The following SOX6 variants were observed in gnomAD, a reference collection of about 807,000 sequenced individuals.
SOX6 encodes the protein SRY-box transcription factor 6.
A neutral mutation model predicts 97.8 loss-of-function variants in SOX6; 11 were observed. That is an observed-to-expected ratio of 0.11 (90% CI 0.07 to 0.19). SOX6 has a LOEUF of 0.19. Among genes scored for constraint, SOX6 ranks in the 10% least tolerant of loss-of-function variants. The pLI is 1.00. For missense variants in SOX6, 810 were observed against 1,039.5 expected (o/e 0.78, Z 3.04); for synonymous variants, 360 against 371.4 (o/e 0.97, Z 0.35).
chr11:16,121,189 G>A (rs532272428), intron 6 of SOX6, among the ~76,000 whole-genome samples: 5 of 152,030 alleles, frequency 3.3e-5, no homozygotes, highest in Admixed American at 2.6e-4. Context: ...TTATTCATTT[G>A]TACATGTTCT....
intron 4 of SOX6, among the ~76,000 whole-genome samples, chr11:16,502,792 A>T (rs139936247): frequency 6.6e-6 from 1 of 152,166 alleles, no homozygotes; most frequent in Non-Finnish European, 1.5e-5. Flanking sequence ...AGGATAGAAA[A>T]CCTATTTAAC....
intron 3 of SOX6, among the ~76,000 whole-genome samples, chr11:16,670,849 G>A (rs1438477001): frequency 6.6e-6 from 1 of 151,122 alleles, no homozygotes; most frequent in East Asian, 2.0e-4. Flanking sequence ...GCCCAGGAGT[G>A]CAAAGCCATG....
rs536386368 is a variant in SOX6 at position 16,318,170 on chromosome 11, T to C, written c.445+276A>G. Reference sequence around the variant, plus strand: ...CAGTTAGGAAAATTCTCTTGTTACCTTTTTCCAGAGTAGGATTATGGTCAG... The same window carrying C: ...CAGTTAGGAAAATTCTCTTGTTACCCTTTTCCAGAGTAGGATTATGGTCAG... On this transcript the variant is annotated intron_variant, in intron 3 of 15. Transcript: ENST00000683767. The C allele has an allele frequency of 1.1e-5, 5 of 448,638 alleles. No homozygotes were observed. The East Asian group carries it at 2.3e-4, about 21-fold the overall frequency. 27.8% of individuals were successfully genotyped at this position (448,638 alleles called of 1,614,324 possible). A position where few individuals can be genotyped will look rare whatever the true frequency, so the allele number is the denominator to read the frequency against.
chr11:16,295,513 A>G (rs1855050577), intron 3 of SOX6, among the ~76,000 whole-genome samples: 1 of 152,072 alleles, frequency 6.6e-6, no homozygotes, highest in African/African-American at 2.4e-5. Flanking sequence ...CTGTAGATAT[A>G]GTAATGGAGG....
At chr11:16,242,376 T>G (rs1243632339) in intron 3 of SOX6, among the ~76,000 whole-genome samples, 2 of 151,982 alleles carry the variant, frequency 1.3e-5, no homozygotes, top group Non-Finnish European at 2.9e-5. Context: ...TGTAGGTTTG[T>G]GTAAGTACCC....
At chr11:16,452,339 T>C (rs955552991) in intron 1 of SOX6, among the ~76,000 whole-genome samples, 1 of 152,008 alleles carries the variant, frequency 6.6e-6, no homozygotes, top group African/African-American at 2.4e-5. Context: ...AATTAGAAAA[T>C]AAACATATTT....
chr11:16,595,010 A>G (rs1848196344), intron 4 of SOX6, among the ~76,000 whole-genome samples: 1 of 152,084 alleles, frequency 6.6e-6, no homozygotes, highest in South Asian at 2.1e-4. Context: ...GCTTCTTATT[A>G]AGGAACTTAA....
At chr11:16,213,770 T>C (rs184642356) in intron 4 of SOX6, among the ~76,000 whole-genome samples, 1 of 152,262 alleles carries the variant, frequency 6.6e-6, no homozygotes, top group African/African-American at 2.4e-5. Context: ...AATATACAAA[T>C]AAGTAAAAAA....
intron 4 of SOX6, among the ~76,000 whole-genome samples, chr11:16,202,475 G>A (rs769412292): frequency 2.6e-5 from 4 of 151,660 alleles, no homozygotes; most frequent in African/African-American, 7.3e-5. Context: ...TAAATTCCAC[G>A]AAAAAAAGTA....
At chr11:16,540,442 T>A (rs1861387514) in intron 4 of SOX6, among the ~76,000 whole-genome samples, 1 of 152,048 alleles carries the variant, frequency 6.6e-6, no homozygotes, top group African/African-American at 2.4e-5. Flanking sequence ...ACCACTCCTA[T>A]TCAACATAGT....
chr11:16,590,510 G>A (rs780250475), intron 4 of SOX6, among the ~76,000 whole-genome samples: 56 of 152,110 alleles, frequency 3.7e-4, no homozygotes, highest in Non-Finnish European at 6.6e-4. Flanking sequence ...AAATGTTGAA[G>A]CCCAGTGCTA....
intron 3 of SOX6, among the ~76,000 whole-genome samples, chr11:16,239,578 T>C (rs1247643717): frequency 6.6e-6 from 1 of 152,128 alleles, no homozygotes; most frequent in Non-Finnish European, 1.5e-5. Context: ...GTCAAACCTT[T>C]AACCTCTTAA....
chr11:16,111,758 A>G (rs1471722332), intron 7 of SOX6, 45 bp downstream of exon 7: 2 of 1,610,508 alleles, frequency 1.2e-6, no homozygotes, highest in Non-Finnish European at 1.7e-6. Flanking sequence ...ATAAACATGC[A>G]GATCTGAGCA....
chr11:16,627,791 T>C (rs930541177), intron 3 of SOX6, among the ~76,000 whole-genome samples: 1 of 152,240 alleles, frequency 6.6e-6, no homozygotes, highest in Admixed American at 6.5e-5. Flanking sequence ...GCAGAAGCTC[T>C]TCAGTTTAAT....
At chr11:15,989,321 C>A (rs1853972124) in intron 13 of SOX6, 91 bp from the exon 14 acceptor site, 2 of 1,006,246 alleles carry the variant, frequency 2.0e-6, no homozygotes, top group East Asian at 5.2e-5. Flanking sequence ...CAGCTGTTTT[C>A]CCCAGGTCCT....
At chr11:16,703,668 T>C (rs990007650) in intron 3 of SOX6, among the ~76,000 whole-genome samples, 24 of 152,294 alleles carry the variant, frequency 1.6e-4, no homozygotes, top group Admixed American at 9.1e-4. Flanking sequence ...TAAACATTTA[T>C]TTGTGCTTTT....
chr11:16,084,827 A>T, intron 9 of SOX6, among the ~76,000 whole-genome samples: 1 of 151,748 alleles, frequency 6.6e-6, no homozygotes, highest in East Asian at 1.9e-4. Flanking sequence ...TGTATTTGGC[A>T]ATAGAGTTTC....
chr11:16,020,353 C>T (rs996754872), intron 12 of SOX6, among the ~76,000 whole-genome samples: 1 of 152,078 alleles, frequency 6.6e-6, no homozygotes, highest in African/African-American at 2.4e-5. Flanking sequence ...TCTGCCTGAT[C>T]CTTGGCACTG....
At chr11:16,273,324 T>C (rs757457958) in intron 3 of SOX6, among the ~76,000 whole-genome samples, 7 of 151,956 alleles carry the variant, frequency 4.6e-5, no homozygotes, top group Non-Finnish European at 8.8e-5. Flanking sequence ...TCATTTTCAA[T>C]CTGTAGTAGA....
Sources: allele counts gnomAD v4.1 joint callset (sites outside exome capture counted in the v4.1 genomes callset), GRCh38; gene constraint gnomAD v4.1.1; transcripts MANE v1.5; gene names NCBI Gene and HGNC (gene_info 2026-07-23, HGNC 2026-07-21).